The following FNDC3B variants were observed in gnomAD, a reference collection of about 807,000 sequenced individuals.
FNDC3B encodes the protein fibronectin type III domain-containing protein 3B.
Under a neutral mutation model 151.5 loss-of-function variants are expected in FNDC3B, and 12 were observed. That is an observed-to-expected ratio of 0.08 (90% CI 0.05 to 0.13). The LOEUF is 0.13. Among genes scored for constraint, FNDC3B ranks in the 10% least tolerant of loss-of-function variants. FNDC3B has a pLI of 1.00. For synonymous variants in FNDC3B, 528 were observed against 549.0 expected (o/e 0.96, Z 0.54); for missense variants, 1,214 against 1,505.3 (o/e 0.81, Z 3.20).
intron 2 of FNDC3B, 101 bp downstream of exon 2, chr3:172,112,691 C>T: frequency 1.2e-6 from 1 of 824,536 alleles, no homozygotes; most frequent in Admixed American, 1.9e-5. Flanking sequence ...TGATTTCAAA[C>T]CTTAGCATTT....
At chr3:172,193,181 C>T in intron 3 of FNDC3B, among the ~76,000 whole-genome samples, 1 of 47,398 alleles carries the variant, frequency 2.1e-5, no homozygotes, top group Non-Finnish European at 4.1e-5. Context: ...TCCCGCCCTT[C>T]CTCTCCCTCC....
chr3:172,116,574 T>G (rs1720258224), intron 2 of FNDC3B, among the ~76,000 whole-genome samples: 2 of 149,136 alleles, frequency 1.3e-5, no homozygotes, highest in South Asian at 4.2e-4. Context: ...AACATCTTTG[T>G]TTTTTTTTTG....
intron 9 of FNDC3B, among the ~76,000 whole-genome samples, chr3:172,303,762 G>A (rs1229138491): frequency 6.6e-6 from 1 of 151,842 alleles, no homozygotes; most frequent in African/African-American, 2.4e-5. Context: ...TTAAAATGTA[G>A]CATCATTAGC....
rs11292213 is a variant in FNDC3B, at chr3:172,303,726, GAA to G, written c.1062-3626_1062-3625del. 6.6e-3 allele frequency among the ~76,000 whole-genome samples: 992 copies of G among 149,528 alleles called. 4 individuals carry two copies. Among genetic ancestry groups the G allele is most frequent in the Middle Eastern group, 0.024 (7 of 288 alleles). On this transcript the variant is annotated intron_variant, in intron 9 of 25. Transcript: ENST00000415807. Reference sequence around the variant, plus strand: ...ATGGAAAACTCATTGCCATTATGTGGAAAAAAAAAAAATTGCAGTATTCTTTT... The same window carrying G: ...ATGGAAAACTCATTGCCATTATGTGGAAAAAAAAAATTGCAGTATTCTTTT...
intron 3 of FNDC3B, chr3:172,187,051 T>G (rs1172085129): frequency 6.5e-6 from 2 of 308,388 alleles, no homozygotes; most frequent in Non-Finnish European, 1.2e-5. Flanking sequence ...TCCTTCCAGG[T>G]TTTTGGAAGC....
chr3:172,330,817 C>A, intron 13 of FNDC3B, 102 bp downstream of exon 13: 1 of 882,608 alleles, frequency 1.1e-6, no homozygotes, highest in Non-Finnish European at 1.7e-6. Flanking sequence ...AGTTCAAAGC[C>A]AAACTCTTAA....
At chr3:172,337,233 A>G in intron 15 of FNDC3B, 97 bp from the exon 16 acceptor site, 1 of 720,392 alleles carries the variant, frequency 1.4e-6, no homozygotes, top group Non-Finnish European at 2.3e-6. Context: ...TAGAATTCAG[A>G]TAGTATAATG....
chr3:172,336,621 C>T (rs1007971279), intron 15 of FNDC3B, among the ~76,000 whole-genome samples: 4 of 152,202 alleles, frequency 2.6e-5, no homozygotes, highest in African/African-American at 9.6e-5. Flanking sequence ...ATCTTGTTGG[C>T]CGGGCACGGT....
chr3:172,235,071 C>T (rs576211296), intron 4 of FNDC3B, among the ~76,000 whole-genome samples: 11 of 152,040 alleles, frequency 7.2e-5, no homozygotes, highest in Admixed American at 5.2e-4. Context: ...TTCATAGGTA[C>T]AAAGGAGACC....
At chr3:172,082,892 G>C (rs1718354079) in intron 1 of FNDC3B, among the ~76,000 whole-genome samples, 1 of 152,216 alleles carries the variant, frequency 6.6e-6, no homozygotes, top group Non-Finnish European at 1.5e-5. Context: ...TACTGAATTA[G>C]TGACAGCTAG....
Position 172,040,336 on chromosome 3 carries a change from C to CGG in FNDC3B, c.-29+569_-29+570dup. On this transcript the variant is annotated intron_variant, in intron 1 of 25. Coordinates refer to ENST00000415807, the MANE Select transcript of FNDC3B (RefSeq NM_022763.4). This position sits in a 1 kb window ranked among gnomAD's most constrained non-coding sequence, Gnocchi z 6.6. ...GCCTCTCCGCGCCGGCGGGGGCGGT[C>CGG]GGGGGCCTCGAACCCGGGGATGCTC... 6.6e-6 allele frequency among the ~76,000 whole-genome samples: 1 copy of CGG among 151,898 alleles called. No individual in the cohort carries two copies. Among genetic ancestry groups the CGG allele is most frequent in the African/African-American group, 2.4e-5 (1 of 41,466 alleles).
intron 4 of FNDC3B, among the ~76,000 whole-genome samples, chr3:172,243,297 C>T (rs1727592755): frequency 6.6e-6 from 1 of 152,186 alleles, no homozygotes; most frequent in African/African-American, 2.4e-5. Flanking sequence ...ATGTGCCACT[C>T]TTCTTGGACC....
Position 172,347,318 on chromosome 3 carries a change from T to C in FNDC3B, c.2471T>C (p.Ile824Thr), listed in dbSNP as rs769984942. 1 of 1,614,014 alleles carries C rather than the reference T, an allele frequency of 6.2e-7. No homozygotes were observed. The highest frequency in any genetic ancestry group is 1.1e-5 in the South Asian group (1 of 91,068). ...IYHGTDTRFE[I>T]RDLLPAAQYC... ...CATGGGACAGACACCCGTTTTGAAA[T>C]AAGAGACCTGTTGCCTGCTGCACAG... The change falls in exon 21 of 26, where the codon ATA (isoleucine) becomes ACA (threonine). Residue 824 changes from isoleucine to threonine, a missense_variant. Transcript: ENST00000415807.
At chr3:172,205,412 T>C (rs1725372661) in intron 3 of FNDC3B, among the ~76,000 whole-genome samples, 1 of 152,208 alleles carries the variant, frequency 6.6e-6, no homozygotes, top group African/African-American at 2.4e-5. Context: ...GTATTTTATA[T>C]ATGTTAACTA....
chr3:172,353,674 G>A (rs951855758), intron 22 of FNDC3B, among the ~76,000 whole-genome samples: 3 of 152,230 alleles, frequency 2.0e-5, no homozygotes, highest in Non-Finnish European at 2.9e-5. Context: ...TCAGAGGATA[G>A]TTCTGTTATG....
chr3:172,201,317 A>G (rs1021682040), intron 3 of FNDC3B, among the ~76,000 whole-genome samples: 1 of 152,014 alleles, frequency 6.6e-6, no homozygotes, highest in Non-Finnish European at 1.5e-5. Flanking sequence ...TGCTCTCCAG[A>G]CCCTGGAGTG....
At chr3:172,234,569 G>C (rs1014080251) in intron 4 of FNDC3B, among the ~76,000 whole-genome samples, 23 of 152,168 alleles carry the variant, frequency 1.5e-4, no homozygotes, top group African/African-American at 5.3e-4. Flanking sequence ...TCCAAAAGCA[G>C]TCATTACCAA....
chr3:172,049,396 A>T (rs1372984858), intron 1 of FNDC3B, among the ~76,000 whole-genome samples: 2 of 152,292 alleles, frequency 1.3e-5, no homozygotes, highest in Middle Eastern at 6.8e-3. Context: ...TGAATCAGGG[A>T]GTTTGTTAAT....
intron 6 of FNDC3B, among the ~76,000 whole-genome samples, chr3:172,260,342 C>A (rs1223326579): frequency 6.6e-6 from 1 of 152,226 alleles, no homozygotes; most frequent in Non-Finnish European, 1.5e-5. Context: ...TGGGACCTTG[C>A]AGATCTTGGT....
Sources: allele counts gnomAD v4.1 joint callset (sites outside exome capture counted in the v4.1 genomes callset), GRCh38; gene constraint gnomAD v4.1.1; non-coding constraint Gnocchi (gnomAD v3.1); transcripts MANE v1.5; gene names NCBI Gene and HGNC (gene_info 2026-07-23, HGNC 2026-07-21).